The following CDH4 variants were observed in gnomAD, a reference collection of about 807,000 sequenced individuals.
CDH4 encodes the protein cadherin-4.
A neutral mutation model predicts 86.0 loss-of-function variants in CDH4; 33 were observed. That is an observed-to-expected ratio of 0.38 (90% CI 0.29 to 0.51). The LOEUF (loss-of-function observed/expected upper bound fraction) is 0.51. CDH4 is among the 20% of genes least tolerant of loss of function. The pLI, the probability that CDH4 is intolerant of heterozygous loss-of-function variation, is 0.86. For missense variants in CDH4, 1,114 were observed against 1,307.4 expected, an observed-to-expected ratio of 0.85 and a Z score of 2.28; for synonymous variants, 555 against 549.4, an observed-to-expected ratio of 1.01 and a Z score of -0.14.
At position 61,588,519 on chromosome 20, in the gene CDH4, C is replaced by T. The variant is rs535723334; in HGVS notation, c.170-155044C>T. On this transcript the variant is annotated intron_variant, in intron 2 of 15. Coordinates refer to ENST00000614565, the MANE Select transcript of CDH4 (RefSeq NM_001794.5). ...GTGACCAGTTCCAGACACGAGTAGC[C>T]GTGTTTTACACACTTGGCCAATGAC... Among the ~76,000 whole-genome samples the T allele has an allele frequency of 2.6e-5, 4 of 152,294 alleles. No individual in the cohort carries two copies. The South Asian group carries it at 8.3e-4, about 32-fold the overall frequency.
intron 7 of CDH4, among the ~76,000 whole-genome samples, chr20:61,880,355 A>G (rs1600732332): frequency 1.3e-5 from 2 of 152,284 alleles, no homozygotes; most frequent in East Asian, 3.9e-4. Flanking sequence ...TGTTTTGAAG[A>G]CACCGAATAT....
chr20:61,336,986 C>T (rs1449087845), intron 2 of CDH4, among the ~76,000 whole-genome samples: 1 of 152,166 alleles, frequency 6.6e-6, no homozygotes, highest in Non-Finnish European at 1.5e-5. Flanking sequence ...CTTGGAATGA[C>T]ATGCCTCTTC....
chr20:61,727,758 A>C (rs2088132972), intron 2 of CDH4, among the ~76,000 whole-genome samples: 1 of 152,096 alleles, frequency 6.6e-6, no homozygotes, highest in Non-Finnish European at 1.5e-5. Context: ...TTAGAGTGAG[A>C]ACTCCCTCCC....
intron 4 of CDH4, among the ~76,000 whole-genome samples, chr20:61,840,026 C>A (rs770746335): frequency 1.3e-5 from 2 of 152,144 alleles, no homozygotes; most frequent in Non-Finnish European, 2.9e-5. Context: ...CCCTGACTTT[C>A]TCCAAGGCCT....
chr20:61,757,603 A>G (rs1050923782), intron 3 of CDH4, among the ~76,000 whole-genome samples: 1 of 152,198 alleles, frequency 6.6e-6, no homozygotes, highest in African/African-American at 2.4e-5. Flanking sequence ...TCCCCAGGCC[A>G]TCCTGGTGGG....
At chr20:61,442,606 T>A (rs2085320262) in intron 2 of CDH4, among the ~76,000 whole-genome samples, 2 of 152,200 alleles carry the variant, frequency 1.3e-5, no homozygotes, top group Non-Finnish European at 2.9e-5. Flanking sequence ...GGCAGAAGGC[T>A]GCGTTACAGA....
chr20:61,556,422 T>C (rs1600755538), intron 2 of CDH4, among the ~76,000 whole-genome samples: 1 of 152,170 alleles, frequency 6.6e-6, no homozygotes, highest in Non-Finnish European at 1.5e-5. Context: ...AACTGTGTTA[T>C]AATCACCACT....
intron 2 of CDH4, among the ~76,000 whole-genome samples, chr20:61,581,559 C>A (rs989410739): frequency 1.3e-5 from 2 of 152,134 alleles, no homozygotes; most frequent in Admixed American, 6.5e-5. Flanking sequence ...CCCTCATGGT[C>A]AGTGAGGCAG....
chr20:61,550,896 C>T (rs902857558), intron 2 of CDH4, among the ~76,000 whole-genome samples: 1 of 152,218 alleles, frequency 6.6e-6, no homozygotes, highest in South Asian at 2.1e-4. Context: ...TGGCCAGATG[C>T]GCACAGGCCA....
intron 2 of CDH4, among the ~76,000 whole-genome samples, chr20:61,626,373 T>C (rs1008582863): frequency 2.0e-5 from 3 of 152,092 alleles, no homozygotes; most frequent in African/African-American, 4.8e-5. Context: ...GCGTTTTCTG[T>C]CTGGCCTTGA....
chr20:61,771,131 C>T (rs1034405887), intron 3 of CDH4, among the ~76,000 whole-genome samples: 3 of 151,096 alleles, frequency 2.0e-5, no homozygotes, highest in Non-Finnish European at 4.4e-5. Context: ...CGGTGTCAGC[C>T]TCCTAAGTAA....
In CDH4 at chr20:61,518,009, C is replaced by T. The variant is rs200815354; in HGVS notation, c.170-225554C>T. Among the ~76,000 whole-genome samples, 3 of 151,908 alleles carry T rather than the reference C, an allele frequency of 2.0e-5. No individual in the cohort carries two copies. Among genetic ancestry groups the T allele is most frequent in the South Asian group, 2.1e-4 (1 of 4,822 alleles). On this transcript the variant is annotated intron_variant, in intron 2 of 15. Coordinates refer to ENST00000614565, the MANE Select transcript of CDH4 (RefSeq NM_001794.5). The surrounding 1 kb of genome is among the most constrained non-coding windows in gnomAD (Gnocchi z 6.3). Reference sequence around the variant, plus strand: ...GGCAGGAGCTGCCTGCCTCCCCGTGCGGGGAGGATGCCTCAGCCCAGGTTA... The same window carrying T: ...GGCAGGAGCTGCCTGCCTCCCCGTGTGGGGAGGATGCCTCAGCCCAGGTTA...
chr20:61,509,269 A>C (rs77629152), intron 2 of CDH4, among the ~76,000 whole-genome samples: 4,656 of 151,932 alleles, frequency 0.031, 117 homozygotes, highest in Non-Finnish European at 0.047. Context: ...ACCGTCAGCC[A>C]GCGCCTAAAC....
intron 4 of CDH4, among the ~76,000 whole-genome samples, chr20:61,805,529 G>T (rs1001034916): frequency 6.6e-6 from 1 of 152,158 alleles, no homozygotes; most frequent in Non-Finnish European, 1.5e-5. Flanking sequence ...TCAGACACTC[G>T]CCCTCCTGCG....
intron 4 of CDH4, among the ~76,000 whole-genome samples, chr20:61,816,887 A>G (rs1980746950): frequency 6.6e-6 from 1 of 152,066 alleles, no homozygotes; most frequent in Non-Finnish European, 1.5e-5. Context: ...GGGGTCATTT[A>G]TGTTTGTTCC....
chr20:61,375,587 CACT>C, intron 2 of CDH4, among the ~76,000 whole-genome samples: 1 of 58,302 alleles, frequency 1.7e-5, no homozygotes, highest in African/African-American at 1.4e-4. Flanking sequence ...GTGGTCATAG[CACT>C]GGTGGTGGTC....
At chr20:61,438,171 C>G (rs757736555) in intron 2 of CDH4, among the ~76,000 whole-genome samples, 2 of 152,214 alleles carry the variant, frequency 1.3e-5, no homozygotes, top group Admixed American at 6.5e-5. Context: ...ATTTCCCTGA[C>G]TTATGGGTCA....
At chr20:61,556,636 C>T (rs1013206032) in intron 2 of CDH4, among the ~76,000 whole-genome samples, 9 of 152,214 alleles carry the variant, frequency 5.9e-5, no homozygotes, top group East Asian at 1.9e-4. Context: ...TCCCACCTGA[C>T]GACATGCAGT....
rs1984773688 is a variant in CDH4 at position 61,890,507 on chromosome 20, T to C, written c.1051-4403T>C. ...GATGGATGATGGATGCATGGGTGGA[T>C]GATGGATGCTGGACAGGTGGATGGA... On this transcript the variant is annotated intron_variant, in intron 7 of 15. Coordinates refer to ENST00000614565, the MANE Select transcript of CDH4 (RefSeq NM_001794.5). Among the ~76,000 whole-genome samples, 3 of 150,372 alleles carry C rather than the reference T, an allele frequency of 2.0e-5. No individual in the cohort carries two copies. The South Asian group carries it at 6.3e-4, about 32-fold the overall frequency.
Sources: allele counts gnomAD v4.1 joint callset (sites outside exome capture counted in the v4.1 genomes callset), GRCh38; gene constraint gnomAD v4.1.1; non-coding constraint Gnocchi (gnomAD v3.1); transcripts MANE v1.5; gene names NCBI Gene and HGNC (gene_info 2026-07-23, HGNC 2026-07-21).